GEN1: variants seen among roughly 807,000 people sequenced by gnomAD.
The protein encoded by GEN1 is GEN1 structure-specific endonuclease.
Under a neutral mutation model 67.6 loss-of-function variants are expected in GEN1, and 64 were observed. That is an observed-to-expected ratio of 0.95 (90% CI 0.77 to 1.17). The LOEUF is 1.17. GEN1 is among the 50% of genes most tolerant of loss of function. The pLI, the probability that GEN1 is intolerant of heterozygous loss-of-function variation, is 0.00. For synonymous variants in GEN1, 371 were observed against 359.4 expected (o/e 1.03, Z -0.37); for missense variants, 1,058 against 1,048.3 (o/e 1.01, Z -0.13).
rs1672749845 is a variant in GEN1, at chr2:17,780,011, A to T, written c.1298A>T (p.Glu433Val). The T allele has an allele frequency of 6.2e-7, 1 of 1,600,640 alleles. No individual in the cohort carries two copies. The highest frequency in any genetic ancestry group is 8.6e-7 in the Non-Finnish European group (1 of 1,168,030). The change falls in exon 13 of 14, where the codon GAA (glutamate) becomes GTA (valine). Residue 433 changes from glutamate to valine, a missense_variant. Transcript: ENST00000381254. ...GCTATGGAAGATAAACAACATGGAG[A>T]ATTTGCTTTATTAACAATTGAGGAA... is the stretch of plus-strand genomic sequence containing the variant. Reference protein sequence around the residue: ...HYAMEDKQHGEFALLTIEEES... With the variant: ...HYAMEDKQHGVFALLTIEEES...
In GEN1 at chr2:17,783,877, G is replaced by C. The variant is rs1314016902; in HGVS notation, c.*1938G>C. 1 of 152,212 alleles carries C rather than the reference G, an allele frequency of 6.6e-6. No individual in the cohort carries two copies. The highest frequency in any genetic ancestry group is 2.4e-5 in the African/African-American group (1 of 41,456). 9.4% of individuals were successfully genotyped at this position (152,212 alleles called of 1,614,324 possible). A position where few individuals can be genotyped will look rare whatever the true frequency, so the allele number is the denominator to read the frequency against. On this transcript the variant is annotated 3_prime_UTR_variant, in exon 14 of 14. Coordinates refer to ENST00000381254, the MANE Select transcript of GEN1 (RefSeq NM_001130009.3). ...AGATGGATCAAATACCTAAATGTAA[G>C]CTAAAGCTATAAAACTCTTAGAAGA...
In GEN1 at chr2:17,780,988, T is replaced by C. The variant is rs1352675313; in HGVS notation, c.1776T>C (p.Gly592=). ...DLHLSTIDWE[G]TSFSNSPAIQ... ...ACTTGAGCACTATTGACTGGGAAGG[T>C]ACTTCTTTTAGTAATTCTCCAGCTA... The change falls in exon 14 of 14, where the codon GGT becomes GGC. Residue 592 remains glycine (G), a synonymous_variant. Coordinates refer to ENST00000381254, the MANE Select transcript of GEN1 (RefSeq NM_001130009.3). The C allele has an allele frequency of 1.2e-6, 2 of 1,613,552 alleles. No individual in the cohort carries two copies. The highest frequency in any genetic ancestry group is 2.2e-5 in the East Asian group (1 of 44,860).
chr2:17,784,370 A>G lies in GEN1; in HGVS notation c.*2431A>G, dbSNP rs1342256504. ...TCTCATAACATGCTGGTAGGAATGTAAAATGGGGCAGCCACTTTGGAAAAA... is the reference window on the plus strand; with the variant it reads ...TCTCATAACATGCTGGTAGGAATGTGAAATGGGGCAGCCACTTTGGAAAAA... On this transcript the variant is annotated 3_prime_UTR_variant, in exon 14 of 14. Transcript: ENST00000381254. The G allele has an allele frequency of 6.6e-6, 1 of 152,216 alleles. No individual in the cohort carries two copies. Among genetic ancestry groups the G allele is most frequent in the Non-Finnish European group, 1.5e-5 (1 of 68,026 alleles). 9.4% of individuals were successfully genotyped at this position (152,216 alleles called of 1,614,324 possible).
rs1038650657 is a variant in GEN1 at position 17,772,794 on chromosome 2, T to C, written c.953+10T>C. 3 of 1,598,102 alleles carry C rather than the reference T, an allele frequency of 1.9e-6. No individual in the cohort carries two copies. The highest frequency in any genetic ancestry group is 2.6e-6 in the Non-Finnish European group (3 of 1,171,396). On this transcript the variant is annotated intron_variant, in intron 8 of 13. Transcript: ENST00000381254. ...AGAACAATATTAAGAAGTAAGTTTT[T>C]TTAAAAACTCATGATTTTTCCTGGC...
chr2:17,771,232 T>A lies in GEN1; in HGVS notation c.747T>A (p.Ser249Arg). The A allele has an allele frequency of 1.9e-6, 3 of 1,612,392 alleles. No individual in the cohort carries two copies. The highest frequency in any genetic ancestry group is 2.5e-6 in the Non-Finnish European group (3 of 1,178,712). Residue 249 changes from serine to arginine, a missense_variant, in exon 7 of 14, where the codon AGT becomes AGA. Physicochemically the swap from Ser to Arg is moderately radical, Grantham distance 110. Coordinates refer to ENST00000381254, the MANE Select transcript of GEN1 (RefSeq NM_001130009.3). The part of the protein sequence containing the change: ...NRWNETSCNS[S>R]PQLLVTKKLA... Reference sequence around the variant, plus strand: ...GGAATGAAACATCTTGTAACTCTAGTCCACAACTGCTAGTCACTAAAAAAC... The same window carrying A: ...GGAATGAAACATCTTGTAACTCTAGACCACAACTGCTAGTCACTAAAAAAC...
At position 17,781,401 on chromosome 2, in the gene GEN1, A is replaced by G; in HGVS notation, c.2189A>G (p.Asn730Ser). 9 of 1,613,838 alleles carry G rather than the reference A, an allele frequency of 5.6e-6. No individual in the cohort carries two copies. The highest frequency in any genetic ancestry group is 6.8e-6 in the Non-Finnish European group (8 of 1,179,940). ...GATCTTCCAGGAATTCCCTTGCAAA[A>G]TGAATCCAGAGACTCTAAAATTCTA... ...SKDLPGIPLQ[N>S]ESRDSKILKG... Residue 730 changes from asparagine (N) to serine (S), a missense_variant, in exon 14 of 14, where the codon AAT (asparagine) becomes AGT (serine). Asn to Ser is a conservative substitution (Grantham distance 46). Transcript: ENST00000381254.
rs1392097415 is a variant in GEN1 at position 17,774,360 on chromosome 2, A to C, written c.1161A>C (p.Arg387Ser). The C allele has an allele frequency of 3.1e-6, 5 of 1,606,474 alleles. No homozygotes were observed. The highest frequency in any genetic ancestry group is 1.3e-5 in the African/African-American group (1 of 74,888). Reference protein sequence around the residue: ...VLLTHYDMIERKLGSRNSNQL... With the variant: ...VLLTHYDMIESKLGSRNSNQL... ...TGACCCATTATGACATGATAGAAAG[A>C]AAGCTTGGTAGCAGAAACTCTAATC... The change falls in exon 11 of 14, where the codon AGA (arginine) becomes AGC (serine). Residue 387 changes from arginine (R) to serine (S), a missense_variant. Physicochemically the swap from Arg to Ser is moderately radical, Grantham distance 110 (BLOSUM62 -1). Coordinates refer to ENST00000381254, the MANE Select transcript of GEN1 (RefSeq NM_001130009.3).
chr2:17,771,728 T>C (rs1398110985), intron 7 of GEN1, among the ~76,000 whole-genome samples: 2 of 151,964 alleles, frequency 1.3e-5, no homozygotes, highest in Admixed American at 1.3e-4. Flanking sequence ...TTAAAACTAA[T>C]TTCTAATACA....
rs1558415981 is a variant in GEN1, at chr2:17,782,809, C to T, written c.*870C>T. On this transcript the variant is annotated 3_prime_UTR_variant, in exon 14 of 14. Coordinates refer to ENST00000381254, the MANE Select transcript of GEN1 (RefSeq NM_001130009.3). ...TTTTCCTTCTATAGCACTTTTCCCC[C>T]TTTTGTTTTGAATCTATGCAATATT... The T allele has an allele frequency of 1.3e-5, 2 of 152,068 alleles. No individual in the cohort carries two copies. The highest frequency in any genetic ancestry group is 4.8e-5 in the African/African-American group (2 of 41,404). 9.4% of individuals were successfully genotyped at this position (152,068 alleles called of 1,614,324 possible). A position where few individuals can be genotyped will look rare whatever the true frequency, so the allele number is the denominator to read the frequency against.
At chr2:17,757,231 C>A (rs905655673) in intron 1 of GEN1, among the ~76,000 whole-genome samples, 10 of 148,294 alleles carry the variant, frequency 6.7e-5, no homozygotes, top group Non-Finnish European at 1.0e-4. Flanking sequence ...TTCCAATAAT[C>A]GAATCAGTGC....
Position 17,786,898 on chromosome 2 carries a change from T to G in GEN1, c.*4959T>G, listed in dbSNP as rs995953830. ...TCCACAACGCCCCACCCATGGAGCC[T>G]GTACCAGCAGTGGCTGCACTTAACC... On this transcript the variant is annotated 3_prime_UTR_variant, in exon 14 of 14. Coordinates refer to ENST00000381254, the MANE Select transcript of GEN1 (RefSeq NM_001130009.3). 9 of 152,268 alleles carry G rather than the reference T, an allele frequency of 5.9e-5. No homozygotes were observed. Among genetic ancestry groups the G allele is most frequent in the African/African-American group, 2.2e-4 (9 of 41,452 alleles). The allele number at this position is 152,268 out of a possible 1,614,324, so 9.4% of individuals were successfully genotyped here.
intron 3 of GEN1, among the ~76,000 whole-genome samples, chr2:17,763,796 C>T (rs1302376605): frequency 6.6e-6 from 1 of 152,198 alleles, no homozygotes; most frequent in Non-Finnish European, 1.5e-5. Context: ...ATCACGGGGC[C>T]AGCGTCCTGA....
chr2:17,761,686 G>T, intron 3 of GEN1, 104 bp downstream of exon 3: 1 of 739,452 alleles, frequency 1.4e-6, no homozygotes, highest in East Asian at 2.9e-5. Flanking sequence ...ATTGTGACTA[G>T]CAGGGATGTG....
chr2:17,773,663 A>C (rs1672296848), intron 10 of GEN1, among the ~76,000 whole-genome samples: 1 of 152,108 alleles, frequency 6.6e-6, no homozygotes, highest in African/African-American at 2.4e-5. Flanking sequence ...CCTAAATTTA[A>C]ATTTGGACCG....
intron 3 of GEN1, among the ~76,000 whole-genome samples, chr2:17,762,763 G>C (rs1671747419): frequency 6.6e-6 from 1 of 152,064 alleles, no homozygotes; most frequent in Non-Finnish European, 1.5e-5. Flanking sequence ...TGTATATAAT[G>C]TTTTCTTGTG....
In GEN1 at chr2:17,772,761, T is replaced by G; in HGVS notation, c.930T>G (p.Ser310Arg). The change falls in exon 8 of 14, where the codon AGT (serine) becomes AGG (arginine). Residue 310 changes from serine (S) to arginine (R), a missense_variant. Ser to Arg is a moderately radical substitution (Grantham distance 110). Transcript: ENST00000381254. ...GTACAGAACATGATAGGCAACTCAG[T>G]GAAGTAGAGAACAATATTAAGAAGT... ...WHRTEHDRQL[S>R]EVENNIKKKA... 3.7e-6 allele frequency: 6 copies of G among 1,610,934 alleles called. No individual in the cohort carries two copies. The highest frequency in any genetic ancestry group is 5.1e-6 in the Non-Finnish European group (6 of 1,178,102).
rs575215477 is a variant in GEN1 at position 17,767,924 on chromosome 2, T to C, written c.637-814T>C. On this transcript the variant is annotated intron_variant, in intron 5 of 13. Transcript: ENST00000381254. ...ACGTGTATGCCAAAGACATAGGCAA[T>C]AGAGATGGAAGAGACTTCTGGGTAT... is the stretch of plus-strand genomic sequence containing the variant. Among the ~76,000 whole-genome samples the C allele has an allele frequency of 2.6e-5, 4 of 152,312 alleles. No homozygotes were observed. The South Asian group carries it at 6.2e-4, about 24-fold the overall frequency.
Position 17,778,247 on chromosome 2 carries a change from T to G in GEN1, c.1264+184T>G, listed in dbSNP as rs1430069550. On this transcript the variant is annotated intron_variant, in intron 12 of 13. Transcript: ENST00000381254. ...ACACACATATATGTGTGTACATATATGTATACACACATATGTGTGTACATA... is the reference window on the plus strand; with the variant it reads ...ACACACATATATGTGTGTACATATAGGTATACACACATATGTGTGTACATA... Among the ~76,000 whole-genome samples the G allele has an allele frequency of 1.6e-5, 2 of 126,806 alleles. 1 individual carries two copies. Among genetic ancestry groups the G allele is most frequent in the African/African-American group, 6.5e-5 (2 of 30,616 alleles). 83.2% of individuals were successfully genotyped at this position (126,806 alleles called of 152,430 possible). A position where few individuals can be genotyped will look rare whatever the true frequency, so the allele number is the denominator to read the frequency against.
chr2:17,779,802 A>G (rs985132642), intron 12 of GEN1, among the ~76,000 whole-genome samples, 176 bp from the exon 13 acceptor site: 10 of 152,118 alleles, frequency 6.6e-5, no homozygotes, highest in African/African-American at 2.4e-4. Context: ...TGGTTTCACC[A>G]TGTTGATCGG....
Sources: allele counts gnomAD v4.1 joint callset (sites outside exome capture counted in the v4.1 genomes callset), GRCh38; gene constraint gnomAD v4.1.1; transcripts MANE v1.5; gene names NCBI Gene and HGNC (gene_info 2026-07-23, HGNC 2026-07-21).